The following TRIO variants were observed in gnomAD, a reference collection of about 807,000 sequenced individuals.
TRIO encodes the protein triple functional domain protein.
TRIO carries 58 observed loss-of-function variants against 351.9 expected under a neutral mutation model. That is an observed-to-expected ratio of 0.16 (90% CI 0.13 to 0.21). TRIO has a LOEUF of 0.21. TRIO is among the 10% of genes least tolerant of loss of function. TRIO has a pLI of 1.00. For missense variants in TRIO, 3,201 were observed against 4,027.8 expected, an observed-to-expected ratio of 0.79 and a Z score of 5.56; for synonymous variants, 1,758 against 1,595.7, an observed-to-expected ratio of 1.10 and a Z score of -2.42.
At chr5:14,157,461 C>T (rs1233514249) in intron 1 of TRIO, among the ~76,000 whole-genome samples, 2 of 150,676 alleles carry the variant, frequency 1.3e-5, no homozygotes, top group Non-Finnish European at 1.5e-5. Context: ...CCCTGTCTCC[C>T]TCTCTCTCCC....
At chr5:14,186,544 T>C (rs1790122064) in intron 1 of TRIO, among the ~76,000 whole-genome samples, 1 of 152,016 alleles carries the variant, frequency 6.6e-6, no homozygotes, top group South Asian at 2.1e-4. Flanking sequence ...TCTGAATGAG[T>C]CGGCCTGTCG....
In TRIO at chr5:14,364,657, G is replaced by A. The variant is rs1286462423; in HGVS notation, c.2595G>A (p.Glu865=). The A allele has an allele frequency of 1.2e-6, 2 of 1,613,392 alleles. No individual in the cohort carries two copies. Among genetic ancestry groups the A allele is most frequent in the Non-Finnish European group, 1.7e-6 (2 of 1,179,614 alleles). Residue 865 remains glutamate, a synonymous_variant, in exon 15 of 57, where the codon GAG becomes GAA. Transcript: ENST00000344204. The part of the protein sequence containing the change: ...YVNEVQASGV[E]LLCDRDVDMA... ...TCCCTTTAATGTCCACAGGTGTGGA[G>A]CTGCTGTGTGATAGAGATGTAGACA...
At position 14,168,746 on chromosome 5, in the gene TRIO, A is replaced by T. The variant is rs1050163066; in HGVS notation, c.157+24864A>T. ...TTATACTATCATTTGTGGTTTAAACATTTCAGTTTTTGTTACTATATGTCC... is the reference window on the plus strand; with the variant it reads ...TTATACTATCATTTGTGGTTTAAACTTTTCAGTTTTTGTTACTATATGTCC... On this transcript the variant is annotated intron_variant, in intron 1 of 56. Coordinates refer to ENST00000344204, the MANE Select transcript of TRIO (RefSeq NM_007118.4). 9.2e-5 allele frequency among the ~76,000 whole-genome samples: 14 copies of T among 152,262 alleles called. 1 individual carries two copies. The highest frequency in any genetic ancestry group is 2.6e-4 in the African/African-American group (11 of 41,548).
At chr5:14,345,122 A>C (rs1295934062) in intron 11 of TRIO, among the ~76,000 whole-genome samples, 2 of 152,214 alleles carry the variant, frequency 1.3e-5, no homozygotes, top group African/African-American at 4.8e-5. Flanking sequence ...TTTCTGTAAG[A>C]TGATGTAAAA....
intron 1 of TRIO, among the ~76,000 whole-genome samples, chr5:14,215,324 T>C (rs933011734): frequency 4.6e-5 from 7 of 152,382 alleles, no homozygotes; most frequent in South Asian, 4.1e-4. Flanking sequence ...GTAGTGACTT[T>C]GTTATTCGTG....
chr5:14,179,656 C>T (rs562441735), intron 1 of TRIO, among the ~76,000 whole-genome samples: 1 of 151,976 alleles, frequency 6.6e-6, no homozygotes, highest in Non-Finnish European at 1.5e-5. Flanking sequence ...ACTGTTTTGC[C>T]CAGGCTGATC....
At chr5:14,500,837 C>T (rs926792096) in intron 53 of TRIO, among the ~76,000 whole-genome samples, 1 of 138,738 alleles carries the variant, frequency 7.2e-6, no homozygotes, top group Non-Finnish European at 1.5e-5. Flanking sequence ...TGCAGTGAGT[C>T]GAGATTGCAC....
At chr5:14,490,722 G>A (rs1756420860) in intron 48 of TRIO, 1 of 451,012 alleles carries the variant, frequency 2.2e-6, no homozygotes, top group Admixed American at 2.4e-5. Context: ...GTACATAGGA[G>A]ATGCCCAGAA....
At chr5:14,296,240 G>A (rs1737352416) in intron 6 of TRIO, among the ~76,000 whole-genome samples, 1 of 152,134 alleles carries the variant, frequency 6.6e-6, no homozygotes, top group Non-Finnish European at 1.5e-5. Flanking sequence ...ATGGGAAGGA[G>A]TGATGTGGTA....
chr5:14,184,041 A>G (rs1581298505), intron 1 of TRIO: 1 of 689,622 alleles, frequency 1.5e-6, no homozygotes. Flanking sequence ...CTCTAGGAGG[A>G]CTGTTGATGG....
intron 10 of TRIO, among the ~76,000 whole-genome samples, chr5:14,332,162 G>A (rs1251408704): frequency 1.3e-5 from 2 of 152,044 alleles, no homozygotes; most frequent in Non-Finnish European, 2.9e-5. Flanking sequence ...AACCACCCTC[G>A]CTCTTTTCTG....
chr5:14,174,351 G>C (rs758883883), intron 1 of TRIO, among the ~76,000 whole-genome samples: 8 of 152,172 alleles, frequency 5.3e-5, no homozygotes. Flanking sequence ...ACCCCAAGAG[G>C]AACTGCTGCG....
At chr5:14,358,643 A>T (rs1743854639) in intron 12 of TRIO, among the ~76,000 whole-genome samples, 1 of 152,230 alleles carries the variant, frequency 6.6e-6, no homozygotes, top group South Asian at 2.1e-4. Flanking sequence ...GTAATTATTG[A>T]CACTTCTTTA....
At chr5:14,215,403 A>T (rs113420153) in intron 1 of TRIO, among the ~76,000 whole-genome samples, 1 of 152,224 alleles carries the variant, frequency 6.6e-6, no homozygotes, top group Non-Finnish European at 1.5e-5. Flanking sequence ...CTGGAAACCT[A>T]TCACAGTTTT....
intron 15 of TRIO, 28 bp downstream of exon 15, chr5:14,364,844 G>A: frequency 1.9e-6 from 3 of 1,593,766 alleles, no homozygotes; most frequent in Non-Finnish European, 8.5e-7. Context: ...TGCTTGGGGA[G>A]GCTGCGCTAC....
chr5:14,505,587 G>C (rs1451271072), intron 55 of TRIO, among the ~76,000 whole-genome samples: 4 of 152,140 alleles, frequency 2.6e-5, no homozygotes, highest in Non-Finnish European at 5.9e-5. Flanking sequence ...CTCCCTCCAG[G>C]CCCTGTACCT....
At chr5:14,502,802 CT>C in intron 54 of TRIO, 145 bp downstream of exon 54, 1 of 805,260 alleles carries the variant, frequency 1.2e-6, no homozygotes, top group Non-Finnish European at 2.0e-6. Flanking sequence ...CTCTCATTGC[CT>C]TTAGACGCTA....
Position 14,179,587 on chromosome 5 carries a change from T to G in TRIO, c.157+35705T>G, listed in dbSNP as rs568393815. Among the ~76,000 whole-genome samples, 15 of 151,638 alleles carry G rather than the reference T, an allele frequency of 9.9e-5. No individual in the cohort carries two copies. In the East Asian group the frequency reaches 2.9e-3, roughly 29 times the overall value. On this transcript the variant is annotated intron_variant, in intron 1 of 56. Coordinates refer to ENST00000344204, the MANE Select transcript of TRIO (RefSeq NM_007118.4). Reference sequence around the variant, plus strand: ...TCCTCCTGCCTCAGCCAGGCATGCATCACGAAGCCCAGCTCAGTTTTTGAT... The same window carrying G: ...TCCTCCTGCCTCAGCCAGGCATGCAGCACGAAGCCCAGCTCAGTTTTTGAT...
At chr5:14,381,977 C>A (rs867077871) in intron 21 of TRIO, among the ~76,000 whole-genome samples, 2 of 152,166 alleles carry the variant, frequency 1.3e-5, no homozygotes, top group African/African-American at 4.8e-5. Flanking sequence ...CAAGAACTCA[C>A]AACAGTTTTG....
Sources: allele counts gnomAD v4.1 joint callset (sites outside exome capture counted in the v4.1 genomes callset), GRCh38; gene constraint gnomAD v4.1.1; transcripts MANE v1.5; gene names NCBI Gene and HGNC (gene_info 2026-07-23, HGNC 2026-07-21).